UBR1: variants seen among roughly 807,000 people sequenced by gnomAD.
UBR1 encodes the protein E3 ubiquitin-protein ligase UBR1.
UBR1 carries 102 observed loss-of-function variants against 242.1 expected under a neutral mutation model. The observed-to-expected ratio is 0.42, with a 90% CI of 0.36 to 0.50. UBR1 has a LOEUF of 0.50. UBR1 is among the 20% of genes least tolerant of loss of function. The probability of loss-of-function intolerance (pLI) is 0.01; values close to 1 mark genes in which losing one functional copy is unlikely to be tolerated. For synonymous variants in UBR1, 675 were observed against 684.8 expected (o/e 0.99, Z 0.22); for missense variants, 1,772 against 2,101.8 (o/e 0.84, Z 3.07).
At chr15:43,045,862 T>C (rs2033479420) in intron 14 of UBR1, among the ~76,000 whole-genome samples, 1 of 152,224 alleles carries the variant, frequency 6.6e-6, no homozygotes, top group Admixed American at 6.5e-5. Context: ...ATAATAAATG[T>C]ATTAGGATAA....
At chr15:43,080,276 A>C (rs2033961012) in intron 3 of UBR1, among the ~76,000 whole-genome samples, 1 of 152,226 alleles carries the variant, frequency 6.6e-6, no homozygotes, top group Admixed American at 6.5e-5. Flanking sequence ...CTAACCATCT[A>C]AAAATATAAA....
chr15:43,009,003 G>A (rs2032876071), intron 29 of UBR1, among the ~76,000 whole-genome samples: 1 of 152,200 alleles, frequency 6.6e-6, no homozygotes. Flanking sequence ...AGTTGTCCGT[G>A]TACCTCATTC....
At chr15:43,076,455 C>T (rs1446506396) in intron 3 of UBR1, among the ~76,000 whole-genome samples, 9 of 142,748 alleles carry the variant, frequency 6.3e-5, no homozygotes, top group Non-Finnish European at 1.2e-4. Context: ...ATCTAGGAAG[C>T]GAGGAGCGCC....
chr15:42,969,718 A>G (rs1428282005), intron 40 of UBR1, among the ~76,000 whole-genome samples: 1 of 152,194 alleles, frequency 6.6e-6, no homozygotes, highest in Admixed American at 6.5e-5. Flanking sequence ...ACAAACAGGG[A>G]GCCAAATCAT....
At chr15:43,089,905 C>T (rs1032648251) in intron 1 of UBR1, among the ~76,000 whole-genome samples, 9 of 152,062 alleles carry the variant, frequency 5.9e-5, no homozygotes, top group Admixed American at 1.3e-4. Flanking sequence ...AGACTGGAGA[C>T]GAGAGAGATA....
In UBR1 at chr15:43,021,302, C is replaced by T. The variant is rs1353655014; in HGVS notation, c.2913G>A (p.Gln971=). 6.2e-7 allele frequency: 1 copy of T among 1,613,824 alleles called. No individual in the cohort carries two copies. Among genetic ancestry groups the T allele is most frequent in the Admixed American group, 1.7e-5 (1 of 60,020 alleles). Residue 971 remains glutamine, a synonymous_variant, in exon 27 of 47, where the codon CAG becomes CAA. Coordinates refer to ENST00000290650, the MANE Select transcript of UBR1 (RefSeq NM_174916.3). The part of the protein sequence containing the change: ...KLKGIPQLEG[Q]KDMITWILQM... ...GAAGTATCCACGTTATCATGTCCTT[C>T]TGGCCTTCTAACTGGGGAATTCCTT... is the stretch of plus-strand genomic sequence containing the variant.
At chr15:43,058,510 G>T in intron 9 of UBR1, 81 bp from the exon 10 acceptor site, 2 of 872,724 alleles carry the variant, frequency 2.3e-6, no homozygotes, top group Non-Finnish European at 3.8e-6. Flanking sequence ...TATTAGAGTG[G>T]CAGAATATTA....
At chr15:42,961,157 C>T (rs1193053071) in intron 42 of UBR1, among the ~76,000 whole-genome samples, 1 of 150,758 alleles carries the variant, frequency 6.6e-6, no homozygotes, top group Non-Finnish European at 1.5e-5. Flanking sequence ...TCTTGTCGCC[C>T]AGGCTGGAGT....
Position 42,944,760 on chromosome 15 carries a change from G to C in UBR1, c.*569C>G, listed in dbSNP as rs2031704909. On this transcript the variant is annotated 3_prime_UTR_variant, in exon 47 of 47. Coordinates refer to ENST00000290650, the MANE Select transcript of UBR1 (RefSeq NM_174916.3). ...GCAGAAATCATCCTCTGTCCACATA[G>C]AGATTGAGTTTAATTTGTGGTGATA... 6.0e-6 allele frequency: 1 copy of C among 166,996 alleles called. No homozygotes were observed. Among genetic ancestry groups the C allele is most frequent in the Non-Finnish European group, 1.3e-5 (1 of 77,376 alleles). 10.3% of individuals were successfully genotyped at this position (166,996 alleles called of 1,614,324 possible).
chr15:43,035,516 T>C (rs2033321537), intron 19 of UBR1, among the ~76,000 whole-genome samples: 1 of 151,236 alleles, frequency 6.6e-6, no homozygotes, highest in Non-Finnish European at 1.5e-5. Flanking sequence ...CATTGTAGAT[T>C]CTGGATATTA....
chr15:42,958,181 A>ACGGCGGCC, intron 43 of UBR1, 91 bp from the exon 44 acceptor site: 1 of 890,582 alleles, frequency 1.1e-6, no homozygotes, highest in South Asian at 1.4e-5. Flanking sequence ...TCTTAAAAAT[A>ACGGCGGCC]ACAAAAGGAT....
chr15:43,014,681 A>G (rs540578468), intron 29 of UBR1, among the ~76,000 whole-genome samples: 7 of 147,616 alleles, frequency 4.7e-5, no homozygotes, highest in Admixed American at 2.7e-4. Context: ...CCCTCCGCCC[A>G]GCAGCCACCC....
At chr15:43,027,268 G>A (rs1398614043) in intron 22 of UBR1, among the ~76,000 whole-genome samples, 1 of 151,558 alleles carries the variant, frequency 6.6e-6, no homozygotes, top group Non-Finnish European at 1.5e-5. Context: ...AAAGTTATTT[G>A]AAACTAGTAA....
intron 3 of UBR1, among the ~76,000 whole-genome samples, chr15:43,075,425 A>G (rs1034933252): frequency 1.3e-4 from 20 of 152,266 alleles, no homozygotes; most frequent in Middle Eastern, 3.4e-3. Flanking sequence ...AATAATCTAT[A>G]CAACACCTAG....
intron 40 of UBR1, among the ~76,000 whole-genome samples, chr15:42,966,563 A>AGGT (rs1354637668): frequency 3.3e-5 from 5 of 152,130 alleles, no homozygotes; most frequent in African/African-American, 9.6e-5. Context: ...CTGTGATCCC[A>AGGT]GCTACTCGGG....
intron 12 of UBR1, among the ~76,000 whole-genome samples, chr15:43,050,607 C>T (rs2033542832): frequency 1.3e-5 from 2 of 151,802 alleles, no homozygotes; most frequent in Non-Finnish European, 2.9e-5. Context: ...GCCTGTAGTC[C>T]CAGCTATTCG....
intron 13 of UBR1, among the ~76,000 whole-genome samples, chr15:43,048,152 A>T (rs1357187517): frequency 6.6e-6 from 1 of 151,354 alleles, no homozygotes; most frequent in Non-Finnish European, 1.5e-5. Context: ...GCACCATTGC[A>T]CTCCAGCCTG....
At chr15:42,974,600 T>C (rs2032259604) in intron 39 of UBR1, among the ~76,000 whole-genome samples, 1 of 152,184 alleles carries the variant, frequency 6.6e-6, no homozygotes, top group Admixed American at 6.5e-5. Context: ...TACTTGTTTG[T>C]TTACTTATTA....
intron 43 of UBR1, among the ~76,000 whole-genome samples, 173 bp downstream of exon 43, chr15:42,960,472 G>GA (rs994239468): frequency 1.3e-5 from 2 of 152,002 alleles, no homozygotes; most frequent in Non-Finnish European, 2.9e-5. Context: ...GCCACTCCAA[G>GA]AAAAAAACAT....
Sources: allele counts gnomAD v4.1 joint callset (sites outside exome capture counted in the v4.1 genomes callset), GRCh38; gene constraint gnomAD v4.1.1; transcripts MANE v1.5; gene names NCBI Gene and HGNC (gene_info 2026-07-23, HGNC 2026-07-21).